GRIP1: variants seen among roughly 807,000 people sequenced by gnomAD.
The protein encoded by GRIP1 is glutamate receptor interacting protein 1.
A neutral mutation model predicts 129.9 loss-of-function variants in GRIP1; 45 were observed. The ratio of observed to expected loss-of-function variants is 0.35; its 90% CI spans 0.27 to 0.44. The LOEUF (loss-of-function observed/expected upper bound fraction) is 0.44. Among genes scored for constraint, GRIP1 ranks in the 20% least tolerant of loss-of-function variants. The pLI is 1.00. For synonymous variants in GRIP1, 530 were observed against 520.8 expected (o/e 1.02, Z -0.24); for missense variants, 1,196 against 1,396.8 (o/e 0.86, Z 2.29).
At chr12:66,519,373 G>A (rs377670227) in intron 5 of GRIP1, among the ~76,000 whole-genome samples, 47 of 152,250 alleles carry the variant, frequency 3.1e-4, no homozygotes, top group African/African-American at 9.2e-4. Flanking sequence ...ACAAATGCTT[G>A]CCCATATTTA....
rs746059107 is a variant in GRIP1 at position 66,377,255 on chromosome 12, T to C, written c.2652A>G (p.Thr884=). The C allele has an allele frequency of 1.9e-6, 3 of 1,613,602 alleles. No homozygotes were observed. The highest frequency in any genetic ancestry group is 1.7e-6 in the Non-Finnish European group (2 of 1,179,476). The change falls in exon 21 of 25, where the codon ACA becomes ACG. Residue 884 remains threonine, a synonymous_variant. Transcript: ENST00000359742. ...GFAGAADSAE[T]EQEENFWSQA... Reference sequence around the variant, plus strand: ...GAGACCAGAAGTTCTCCTCTTGTTCTGTCTCTGCACTATCGGCAGCCCCTG... The same window carrying C: ...GAGACCAGAAGTTCTCCTCTTGTTCCGTCTCTGCACTATCGGCAGCCCCTG...
intron 1 of GRIP1, among the ~76,000 whole-genome samples, chr12:66,990,133 GA>G (rs1189429265): frequency 1.3e-5 from 2 of 152,184 alleles, no homozygotes; most frequent in African/African-American, 2.4e-5. Flanking sequence ...AAAAGTTAGA[GA>G]TCTAGGGAGG....
At chr12:67,018,489 G>A (rs371772177) in intron 1 of GRIP1, among the ~76,000 whole-genome samples, 6 of 152,290 alleles carry the variant, frequency 3.9e-5, no homozygotes, top group African/African-American at 9.6e-5. Flanking sequence ...CAAGGCCTGC[G>A]TTCAGTCTTT....
intron 1 of GRIP1, among the ~76,000 whole-genome samples, chr12:66,706,616 C>G (rs1293553263): frequency 6.6e-6 from 1 of 152,062 alleles, no homozygotes; most frequent in African/African-American, 2.4e-5. Flanking sequence ...GGAACCAACC[C>G]ACATGCTGAT....
intron 1 of GRIP1, among the ~76,000 whole-genome samples, chr12:66,691,956 A>G (rs370813847): frequency 2.6e-5 from 4 of 152,346 alleles, no homozygotes; most frequent in African/African-American, 9.6e-5. Flanking sequence ...GTAACAGCCA[A>G]ATTTATCTTT....
At chr12:66,350,271 G>T (rs998130336) in intron 24 of GRIP1, among the ~76,000 whole-genome samples, 1 of 152,064 alleles carries the variant, frequency 6.6e-6, no homozygotes, top group Non-Finnish European at 1.5e-5. Flanking sequence ...GCTGAGGTGG[G>T]TGGATCCCCT....
At chr12:66,782,384 C>T (rs1380197433) in intron 1 of GRIP1, among the ~76,000 whole-genome samples, 1 of 152,088 alleles carries the variant, frequency 6.6e-6, no homozygotes, top group Non-Finnish European at 1.5e-5. Context: ...TTCTTAACAC[C>T]TTTCTCTGGA....
chr12:66,716,641 C>T (rs2035898573), intron 1 of GRIP1, among the ~76,000 whole-genome samples: 1 of 151,888 alleles, frequency 6.6e-6, no homozygotes, highest in African/African-American at 2.4e-5. Flanking sequence ...AGAATACAGA[C>T]ATTTGGGCCC....
chr12:66,372,259 C>G (rs2172881), intron 22 of GRIP1: 185,402 of 395,736 alleles, frequency 0.47, 44,486 homozygotes, highest in East Asian at 0.61. Context: ...ACTTTCCACT[C>G]AGTGGGCTCT....
At chr12:66,516,516 A>G (rs1476376828) in intron 6 of GRIP1, among the ~76,000 whole-genome samples, 1 of 152,162 alleles carries the variant, frequency 6.6e-6, no homozygotes, top group Non-Finnish European at 1.5e-5. Flanking sequence ...TGTTTCACCT[A>G]GTTCACTCTC....
chr12:66,909,260 G>C (rs1168099863), intron 1 of GRIP1, among the ~76,000 whole-genome samples: 1 of 152,026 alleles, frequency 6.6e-6, no homozygotes, highest in African/African-American at 2.4e-5. Flanking sequence ...ATCTCAAATG[G>C]CCTCTTTCAC....
chr12:66,387,008 G>A (rs901923537), intron 19 of GRIP1, among the ~76,000 whole-genome samples: 1 of 152,154 alleles, frequency 6.6e-6, no homozygotes, highest in African/African-American at 2.4e-5. Flanking sequence ...TGTAATCTCA[G>A]ACCATAATAC....
intron 1 of GRIP1, among the ~76,000 whole-genome samples, chr12:66,701,094 G>C (rs1368874457): frequency 2.0e-5 from 3 of 152,094 alleles, no homozygotes; most frequent in Non-Finnish European, 2.9e-5. Flanking sequence ...TCATATCTAG[G>C]TAGTCTGACT....
At chr12:67,008,933 G>C (rs568833192) in intron 1 of GRIP1, among the ~76,000 whole-genome samples, 127 of 150,174 alleles carry the variant, frequency 8.5e-4, no homozygotes, top group African/African-American at 3.0e-3. Flanking sequence ...GAAAAAAAAA[G>C]TCATTTCACC....
At position 66,538,999 on chromosome 12, in the gene GRIP1, G is replaced by T. The variant is rs114061946; in HGVS notation, c.418+79C>A. ...AAAAAACCTGATATATATAGGGTTT[G>T]GTATTATGAGCAGTTTTAGGCATCC... On this transcript the variant is annotated intron_variant, in intron 4 of 24. Transcript: ENST00000359742. The T allele has an allele frequency of 3.8e-3, 4,430 of 1,153,158 alleles. 90 individuals carry two copies. The African/African-American group carries it at 0.055, about 14-fold the overall frequency. 71.4% of individuals were successfully genotyped at this position (1,153,158 alleles called of 1,614,324 possible). A position where few individuals can be genotyped will look rare whatever the true frequency, so the allele number is the denominator to read the frequency against.
intron 1 of GRIP1, among the ~76,000 whole-genome samples, chr12:66,979,232 A>ACAAACAAAC (rs748756368): frequency 1.2e-4 from 15 of 129,520 alleles, no homozygotes; most frequent in East Asian, 4.2e-4. Context: ...TAAAAAAAAA[A>ACAAACAAAC]AAAAAAAAAA....
intron 23 of GRIP1, among the ~76,000 whole-genome samples, chr12:66,359,202 G>A (rs914201761): frequency 1.3e-4 from 20 of 152,238 alleles, no homozygotes; most frequent in Admixed American, 1.2e-3. Flanking sequence ...TCCTTGAGGT[G>A]CACCCACATG....
intron 1 of GRIP1, among the ~76,000 whole-genome samples, chr12:66,938,074 G>A (rs533815629): frequency 3.9e-5 from 6 of 152,060 alleles, no homozygotes; most frequent in Middle Eastern, 3.2e-3. Context: ...TTTTATATTC[G>A]TTTCATGTTA....
At chr12:66,988,157 T>A (rs986286319) in intron 1 of GRIP1, among the ~76,000 whole-genome samples, 17 of 152,194 alleles carry the variant, frequency 1.1e-4, no homozygotes, top group African/African-American at 4.1e-4. Context: ...CAAACAATAA[T>A]CTTTCTTGAT....
Sources: gnomAD v4.1 joint callset for allele counts (sites outside exome capture counted in the v4.1 genomes callset) on GRCh38, gnomAD v4.1.1 for gene constraint, MANE v1.5 for transcripts, NCBI Gene and HGNC (gene_info 2026-07-23, HGNC 2026-07-21) for gene names.